The following MCC variants were observed in gnomAD, a reference collection of about 807,000 sequenced individuals.
MCC encodes colorectal mutant cancer protein.
MCC carries 90 observed loss-of-function variants against 116.2 expected under a neutral mutation model. That is an observed-to-expected ratio of 0.77 (90% CI 0.65 to 0.92). MCC has a LOEUF of 0.92. Among genes scored for constraint, MCC ranks in the 40% least tolerant of loss-of-function variants. The pLI is 0.00. For missense variants in MCC, 1,516 were observed against 1,312.2 expected (o/e 1.16, Z -2.40); for synonymous variants, 578 against 510.5 (o/e 1.13, Z -1.78).
chr5:113,278,077 C>T (rs1765895206), intron 3 of MCC, among the ~76,000 whole-genome samples: 1 of 152,198 alleles, frequency 6.6e-6, no homozygotes, highest in Non-Finnish European at 1.5e-5. Context: ...TCCCTGCAAC[C>T]TACCAAGCCA....
intron 3 of MCC, among the ~76,000 whole-genome samples, chr5:113,222,727 G>C (rs1763596747): frequency 6.6e-6 from 1 of 152,308 alleles, no homozygotes; most frequent in African/African-American, 2.4e-5. Context: ...GACTTATGGG[G>C]CAATGATACA....
At chr5:113,092,234 A>G (rs1375452976) in intron 8 of MCC, among the ~76,000 whole-genome samples, 1 of 152,138 alleles carries the variant, frequency 6.6e-6, no homozygotes, top group Non-Finnish European at 1.5e-5. Flanking sequence ...CTCAGAAGTC[A>G]CAAGACCCCT....
At chr5:113,162,206 G>C (rs894334489) in intron 3 of MCC, among the ~76,000 whole-genome samples, 1 of 152,116 alleles carries the variant, frequency 6.6e-6, no homozygotes, top group African/African-American at 2.4e-5. Context: ...TTTGTTCCCA[G>C]AAAATGAAGA....
At chr5:113,410,859 T>C (rs1192427399) in intron 1 of MCC, among the ~76,000 whole-genome samples, 1 of 152,222 alleles carries the variant, frequency 6.6e-6, no homozygotes, top group African/African-American at 2.4e-5. Flanking sequence ...ACATGGTGTT[T>C]GGTTTTCTGT....
chr5:113,385,678 C>A (rs1411728514), intron 1 of MCC, among the ~76,000 whole-genome samples: 6 of 152,170 alleles, frequency 3.9e-5, no homozygotes. Flanking sequence ...GCTTTCTGGA[C>A]CAATCAGCTA....
intron 1 of MCC, among the ~76,000 whole-genome samples, chr5:113,386,906 A>G (rs958426932): frequency 5.3e-5 from 8 of 152,036 alleles, no homozygotes; most frequent in Non-Finnish European, 8.8e-5. Context: ...TATTAGTCCT[A>G]ATTTTTCATT....
intron 3 of MCC, among the ~76,000 whole-genome samples, chr5:113,248,310 T>C (rs1764652709): frequency 6.7e-6 from 1 of 149,914 alleles, no homozygotes; most frequent in Non-Finnish European, 1.5e-5. Context: ...AGTACAGTAT[T>C]AAATGCCCAA....
At chr5:113,170,776 T>C (rs936095388) in intron 3 of MCC, among the ~76,000 whole-genome samples, 2 of 152,158 alleles carry the variant, frequency 1.3e-5, no homozygotes, top group Non-Finnish European at 2.9e-5. Flanking sequence ...GTAGTTACAG[T>C]ATAAGCAAGC....
intron 8 of MCC, among the ~76,000 whole-genome samples, chr5:113,087,141 C>A (rs577002790): frequency 6.6e-6 from 1 of 152,208 alleles, no homozygotes; most frequent in African/African-American, 2.4e-5. Context: ...CTAAAAGGCA[C>A]TGGAAAGCTT....
At chr5:113,302,398 G>A (rs1182672765) in intron 3 of MCC, among the ~76,000 whole-genome samples, 25 of 152,064 alleles carry the variant, frequency 1.6e-4, no homozygotes, top group Middle Eastern at 3.2e-3. Context: ...AAGACATATC[G>A]ACCAATGGCA....
chr5:113,369,772 A>G (rs1382417690), intron 2 of MCC, among the ~76,000 whole-genome samples: 1 of 152,194 alleles, frequency 6.6e-6, no homozygotes, highest in Non-Finnish European at 1.5e-5. Flanking sequence ...CAGACCAGGC[A>G]TAGACAAAAG....
At chr5:113,190,593 C>G (rs1365997945) in intron 3 of MCC, among the ~76,000 whole-genome samples, 1 of 152,144 alleles carries the variant, frequency 6.6e-6, no homozygotes, top group Non-Finnish European at 1.5e-5. Context: ...ATTAGTGTCC[C>G]TTCTGCTGAA....
intron 4 of MCC, among the ~76,000 whole-genome samples, chr5:113,147,522 A>G (rs942289483): frequency 2.4e-4 from 36 of 152,308 alleles, no homozygotes; most frequent in African/African-American, 8.4e-4. Context: ...TGCCATCATT[A>G]ATTTGTTAAC....
intron 1 of MCC, chr5:113,433,510 A>C: frequency 3.2e-6 from 2 of 617,542 alleles, no homozygotes; most frequent in Non-Finnish European, 5.7e-6. Context: ...GCTCTGGGGG[A>C]GTAGGAGTCG....
intron 3 of MCC, among the ~76,000 whole-genome samples, chr5:113,329,817 A>C (rs969427424): frequency 1.3e-5 from 2 of 152,164 alleles, no homozygotes; most frequent in Non-Finnish European, 2.9e-5. Context: ...TTTAGTGTAT[A>C]TAGATCAGCT....
chr5:113,469,214 C>G (rs1274251011), intron 1 of MCC, among the ~76,000 whole-genome samples: 1 of 152,020 alleles, frequency 6.6e-6, no homozygotes, highest in Non-Finnish European at 1.5e-5. Context: ...TTATTTCTTG[C>G]CTTATGCTAG....
chr5:113,399,841 C>T (rs1769632042), intron 1 of MCC: 1 of 152,108 alleles, frequency 6.6e-6, no homozygotes, highest in South Asian at 2.1e-4. Flanking sequence ...TGAGTTACTG[C>T]AATACTAATT....
At chr5:113,301,013 C>T (rs532597222) in intron 3 of MCC, among the ~76,000 whole-genome samples, 1 of 152,124 alleles carries the variant, frequency 6.6e-6, no homozygotes, top group African/African-American at 2.4e-5. Flanking sequence ...GTAGGGTCGG[C>T]GAGTTTGTGG....
chr5:113,062,754 G>A (rs1753309166), intron 14 of MCC, among the ~76,000 whole-genome samples: 2 of 152,160 alleles, frequency 1.3e-5, no homozygotes, highest in Admixed American at 6.5e-5. Flanking sequence ...TTTTGTTTGT[G>A]GGCACCTGGC....
Sources: allele counts gnomAD v4.1 joint callset (sites outside exome capture counted in the v4.1 genomes callset), GRCh38; gene constraint gnomAD v4.1.1; transcripts MANE v1.5; gene names NCBI Gene and HGNC (gene_info 2026-07-23, HGNC 2026-07-21).